KLHL1: variants seen among roughly 807,000 people sequenced by gnomAD.
KLHL1 encodes kelch-like protein 1.
Under a neutral mutation model 77.7 loss-of-function variants are expected in KLHL1, and 47 were observed. That is an observed-to-expected ratio of 0.60 (90% confidence interval 0.48 to 0.77). KLHL1 has a LOEUF of 0.77. Ranked by LOEUF, KLHL1 falls within the 30% of genes least tolerant of loss-of-function variation. KLHL1 has a pLI of 0.00. For missense variants in KLHL1, 925 were observed against 910.8 expected (o/e 1.02, Z -0.20); for synonymous variants, 360 against 325.2 (o/e 1.11, Z -1.15).
rs182045534 is a variant in KLHL1, at chr13:70,092,835, G to A, written c.497+14368C>T. On this transcript the variant is annotated intron_variant, in intron 1 of 10. Coordinates refer to ENST00000377844, the MANE Select transcript of KLHL1 (RefSeq NM_020866.3). ...GAATATTTAAAATTAAACAAATAGA[G>A]GAGTAGCCACGCTTTCAGTGCTTGA... Among the ~76,000 whole-genome samples, 406 of 152,194 alleles carry A rather than the reference G, an allele frequency of 2.7e-3. 2 individuals carry two copies. The highest frequency in any genetic ancestry group is 9.4e-3 in the African/African-American group (389 of 41,538).
At chr13:69,715,545 G>A (rs1876084063) in intron 9 of KLHL1, among the ~76,000 whole-genome samples, 1 of 149,672 alleles carries the variant, frequency 6.7e-6, no homozygotes, top group African/African-American at 2.5e-5. Flanking sequence ...TTTTGAGACG[G>A]AATCTCGCTC....
chr13:70,057,558 T>C (rs1237361417), intron 1 of KLHL1, among the ~76,000 whole-genome samples: 6 of 145,018 alleles, frequency 4.1e-5, no homozygotes, highest in African/African-American at 1.0e-4. Context: ...GGGTGGATCA[T>C]GAGGTCAGGA....
intron 4 of KLHL1, among the ~76,000 whole-genome samples, chr13:69,931,054 T>A (rs998401915): frequency 6.6e-6 from 1 of 151,722 alleles, no homozygotes; most frequent in Admixed American, 6.6e-5. Flanking sequence ...CTTACCCATA[T>A]ATCAGACGTC....
At chr13:70,036,905 G>A (rs918400722) in intron 1 of KLHL1, among the ~76,000 whole-genome samples, 2 of 69,736 alleles carry the variant, frequency 2.9e-5, no homozygotes, top group African/African-American at 1.1e-4. Context: ...GTTCTTTAGT[G>A]TTACCCCAAA....
chr13:70,087,179 G>A (rs1887564186), intron 1 of KLHL1, among the ~76,000 whole-genome samples: 1 of 152,136 alleles, frequency 6.6e-6, no homozygotes, highest in African/African-American at 2.4e-5. Flanking sequence ...GCTCTTAGTG[G>A]AATAGGAAAA....
intron 6 of KLHL1, among the ~76,000 whole-genome samples, chr13:69,823,161 A>G (rs1157167791): frequency 2.0e-5 from 3 of 151,732 alleles, no homozygotes; most frequent in Non-Finnish European, 2.9e-5. Context: ...TCCATCATTT[A>G]TTGAATCAGC....
intron 4 of KLHL1, among the ~76,000 whole-genome samples, chr13:69,929,080 T>C (rs1463921160): frequency 6.6e-6 from 1 of 152,020 alleles, no homozygotes; most frequent in Non-Finnish European, 1.5e-5. Context: ...TATCCAGACA[T>C]GCATTTGCAT....
chr13:69,849,488 TTCTC>T (rs148126504), intron 5 of KLHL1, among the ~76,000 whole-genome samples: 6 of 151,046 alleles, frequency 4.0e-5, no homozygotes, highest in East Asian at 1.9e-4. Context: ...TATGCTCTCT[TTCTC>T]TCTCTCTCTA....
intron 3 of KLHL1, among the ~76,000 whole-genome samples, chr13:69,953,278 T>G (rs765954332): frequency 2.6e-4 from 38 of 145,416 alleles, no homozygotes; most frequent in Non-Finnish European, 4.9e-4. Context: ...CTCAGGCTAC[T>G]CATTTGATGT....
At chr13:70,038,302 TG>T (rs1292602218) in intron 1 of KLHL1, among the ~76,000 whole-genome samples, 34 of 152,294 alleles carry the variant, frequency 2.2e-4, no homozygotes, top group African/African-American at 7.7e-4. Flanking sequence ...TTTTAATACC[TG>T]TTGAAGGGTA....
chr13:69,928,095 T>C (rs536281954), intron 4 of KLHL1, among the ~76,000 whole-genome samples: 2 of 152,206 alleles, frequency 1.3e-5, no homozygotes, highest in Non-Finnish European at 2.9e-5. Context: ...ATTGTTCCTA[T>C]AGATAGAATT....
intron 5 of KLHL1, among the ~76,000 whole-genome samples, chr13:69,856,414 A>T (rs1879922758): frequency 6.6e-6 from 1 of 152,060 alleles, no homozygotes; most frequent in African/African-American, 2.4e-5. Context: ...ATTGCCATGA[A>T]TAACACAGTC....
chr13:69,855,378 C>CAGAGA (rs1566329964), intron 5 of KLHL1, among the ~76,000 whole-genome samples: 7,801 of 128,212 alleles, frequency 0.061, 329 homozygotes, highest in African/African-American at 0.11. Flanking sequence ...AGAGATAGAT[C>CAGAGA]TATAGATAGA....
chr13:69,980,106 A>G (rs967192537), intron 1 of KLHL1, among the ~76,000 whole-genome samples: 2 of 152,216 alleles, frequency 1.3e-5, no homozygotes, highest in African/African-American at 4.8e-5. Flanking sequence ...TTCTCGTGCT[A>G]AACAGTTCAG....
intron 7 of KLHL1, among the ~76,000 whole-genome samples, chr13:69,756,178 T>C (rs530351539): frequency 5.3e-5 from 8 of 152,138 alleles, no homozygotes; most frequent in African/African-American, 1.7e-4. Flanking sequence ...TAATAGTCTT[T>C]GTCACACCCT....
At chr13:69,819,930 T>C (rs1318845014) in intron 6 of KLHL1, among the ~76,000 whole-genome samples, 3 of 152,216 alleles carry the variant, frequency 2.0e-5, no homozygotes, top group Non-Finnish European at 2.9e-5. Flanking sequence ...AATGCCTTTG[T>C]CAAAGTCAGA....
At chr13:69,822,387 C>G (rs1049209962) in intron 6 of KLHL1, among the ~76,000 whole-genome samples, 13 of 152,004 alleles carry the variant, frequency 8.6e-5, no homozygotes, top group Admixed American at 8.5e-4. Flanking sequence ...ATTATTGAAA[C>G]AAACATTTTT....
chr13:70,056,120 T>C (rs770849516), intron 1 of KLHL1, among the ~76,000 whole-genome samples: 1 of 151,880 alleles, frequency 6.6e-6, no homozygotes, highest in Non-Finnish European at 1.5e-5. Flanking sequence ...TAAAGACATG[T>C]GCAGACTGAA....
chr13:69,783,295 C>G (rs567152459), intron 7 of KLHL1, among the ~76,000 whole-genome samples: 4 of 152,278 alleles, frequency 2.6e-5, no homozygotes, highest in African/African-American at 9.6e-5. Flanking sequence ...AATGCAGCTC[C>G]TCACCAGCAA....
Sources: gnomAD v4.1 joint callset for allele counts (sites outside exome capture counted in the v4.1 genomes callset) on GRCh38, gnomAD v4.1.1 for gene constraint, MANE v1.5 for transcripts, NCBI Gene and HGNC (gene_info 2026-07-23, HGNC 2026-07-21) for gene names.